Variants in MPDZ observed in about 807,000 individuals in gnomAD.
MPDZ encodes the protein multiple PDZ domain protein.
In MPDZ, 234 loss-of-function variants were observed where a neutral mutation model predicts 239.1. That is an observed-to-expected ratio of 0.98 (90% CI 0.88 to 1.09). The LOEUF is 1.09. Ranked by LOEUF, MPDZ falls within the 50% of genes least tolerant of loss-of-function variation. The pLI is 0.00. For synonymous variants in MPDZ, 1,048 were observed against 881.3 expected (o/e 1.19, Z -3.35); for missense variants, 3,175 against 2,510.0 (o/e 1.26, Z -5.66).
intron 1 of MPDZ, among the ~76,000 whole-genome samples, chr9:13,277,997 T>C (rs1010332786): frequency 1.3e-5 from 2 of 152,276 alleles, no homozygotes; most frequent in Non-Finnish European, 2.9e-5. Context: ...AAATTCAACA[T>C]GTAAAACTCC....
intron 12 of MPDZ, among the ~76,000 whole-genome samples, chr9:13,204,427 G>A (rs1319147551): frequency 2.6e-5 from 4 of 151,918 alleles, no homozygotes; most frequent in Admixed American, 6.6e-5. Context: ...TCTCTAATAC[G>A]AATAATAATA....
At chr9:13,213,614 G>T (rs190818012) in intron 10 of MPDZ, among the ~76,000 whole-genome samples, 76 of 152,094 alleles carry the variant, frequency 5.0e-4, no homozygotes, top group Middle Eastern at 3.4e-3. Flanking sequence ...AATTTAAAAT[G>T]CTTATATCTT....
At position 13,119,540 on chromosome 9, in the gene MPDZ, G is replaced by A. The variant is rs193128302; in HGVS notation, c.5341C>T (p.Arg1781Cys). The change falls in exon 39 of 47, where the codon CGT becomes TGT. Residue 1781 changes from arginine to cysteine, a missense_variant. Transcript: ENST00000319217. ...GCAACCGCTTCTTGGGTGGCATTAC[G>A]AACGTCTTCCCCATTCACCATTAAT... ...QILMVNGEDV[R>C]NATQEAVAAL... 5.5e-5 allele frequency: 88 copies of A among 1,613,022 alleles called. 1 individual carries two copies. The highest frequency in any genetic ancestry group is 1.1e-4 in the South Asian group (10 of 90,690).
chr9:13,121,200 A>G (rs1398386116), intron 38 of MPDZ, among the ~76,000 whole-genome samples: 1 of 151,994 alleles, frequency 6.6e-6, no homozygotes, highest in African/African-American at 2.4e-5. Flanking sequence ...CCTTCTCCCT[A>G]CAATATCTTC....
chr9:13,137,511 C>T (rs1240926669), intron 29 of MPDZ, among the ~76,000 whole-genome samples: 1 of 152,178 alleles, frequency 6.6e-6, no homozygotes, highest in Non-Finnish European at 1.5e-5. Context: ...TTTTGTTCGG[C>T]AGGCTGAGTT....
chr9:13,108,505 T>A (rs571271436), intron 46 of MPDZ, among the ~76,000 whole-genome samples: 5 of 152,150 alleles, frequency 3.3e-5, no homozygotes, highest in Non-Finnish European at 7.4e-5. Flanking sequence ...AATAAATGCT[T>A]ATTAATTTTC....
intron 36 of MPDZ, 144 bp from the exon 37 acceptor site, chr9:13,122,314 C>G: frequency 2.9e-6 from 2 of 700,528 alleles, no homozygotes; most frequent in Non-Finnish European, 4.6e-6. Flanking sequence ...CCATATAATT[C>G]AAGGGAAAGT....
Position 13,162,706 on chromosome 9 carries a change from G to GA in MPDZ, c.3343dup (p.Ser1115PhefsTer20), listed in dbSNP as rs763492773. ...TTTCACTTACCTGCCAGTGTATGAA[G>GA]AAAAAATATCCAGTGCCATTACTCT... On this transcript the variant is annotated frameshift_variant, in exon 23 of 47. Coordinates refer to ENST00000319217, the MANE Select transcript of MPDZ (RefSeq NM_001378778.1). LOFTEE classifies it high-confidence loss of function. 4.2e-5 allele frequency: 67 copies of GA among 1,608,046 alleles called. No homozygotes were observed. The highest frequency in any genetic ancestry group is 1.3e-4 in the East Asian group (6 of 44,542).
rs771114285 is a variant in MPDZ at position 13,162,785 on chromosome 9, C to G, written c.3265G>C (p.Val1089Leu). ...LIGPDIKITY[V>L]PAEHLEEFKI... ...AACTCTTCCAAATGTTCTGCAGGCA[C>G]ATAAGTAATTCTGGAACAAACCAGA... The change falls in exon 23 of 47, where the codon GTG (valine) becomes CTG (leucine). Residue 1089 changes from valine to leucine, a missense_variant. Val to Leu is a conservative substitution (Grantham distance 32). Coordinates refer to ENST00000319217, the MANE Select transcript of MPDZ (RefSeq NM_001378778.1). 3 of 1,608,828 alleles carry G rather than the reference C, an allele frequency of 1.9e-6. No homozygotes were observed. The African/African-American group carries it at 4.0e-5, about 22-fold the overall frequency.
At chr9:13,216,388 A>G (rs1221392774) in intron 10 of MPDZ, among the ~76,000 whole-genome samples, 1 of 151,666 alleles carries the variant, frequency 6.6e-6, no homozygotes, top group Non-Finnish European at 1.5e-5. Context: ...CTGATTAAAA[A>G]AAAAAAAACA....
intron 10 of MPDZ, among the ~76,000 whole-genome samples, chr9:13,208,247 C>A (rs1252007196): frequency 6.6e-6 from 1 of 152,074 alleles, no homozygotes; most frequent in Non-Finnish European, 1.5e-5. Flanking sequence ...AGTTTGAGGC[C>A]AGCCTGGGCA....
At chr9:13,170,473 GT>G (rs1951652414) in intron 21 of MPDZ, among the ~76,000 whole-genome samples, 1 of 152,086 alleles carries the variant, frequency 6.6e-6, no homozygotes, top group South Asian at 2.1e-4. Flanking sequence ...ATAAGATACC[GT>G]TTCGGGTGAG....
intron 21 of MPDZ, among the ~76,000 whole-genome samples, chr9:13,175,115 A>T (rs1952287954): frequency 6.6e-6 from 1 of 152,186 alleles, no homozygotes. Flanking sequence ...GCTGAGTCAC[A>T]TGACTGTGTA....
Position 13,205,911 on chromosome 9 carries a change from A to G in MPDZ, c.1474+5T>C, listed in dbSNP as rs1956932818. ...TAACTAAAAACCAGATTAACATAGGATTACCTTTGATTATGCTGGCATTAA... is the reference window on the plus strand; with the variant it reads ...TAACTAAAAACCAGATTAACATAGGGTTACCTTTGATTATGCTGGCATTAA... On this transcript the variant is annotated splice_donor_5th_base_variant and intron_variant, in intron 11 of 46. Coordinates refer to ENST00000319217, the MANE Select transcript of MPDZ (RefSeq NM_001378778.1). 1 of 1,580,906 alleles carries G rather than the reference A, an allele frequency of 6.3e-7. No homozygotes were observed. Among genetic ancestry groups the G allele is most frequent in the Admixed American group, 1.8e-5 (1 of 54,060 alleles).
chr9:13,142,360 C>G (rs1261009786), intron 27 of MPDZ, among the ~76,000 whole-genome samples: 2 of 152,116 alleles, frequency 1.3e-5, no homozygotes, highest in African/African-American at 4.8e-5. Context: ...ATATAAGCCT[C>G]TATTTACTTG....
chr9:13,255,505 T>G (rs937162719), intron 1 of MPDZ, among the ~76,000 whole-genome samples: 5 of 152,208 alleles, frequency 3.3e-5, no homozygotes, highest in African/African-American at 9.6e-5. Flanking sequence ...TTACAAAATG[T>G]ACTTTTTCAA....
intron 32 of MPDZ, among the ~76,000 whole-genome samples, chr9:13,128,320 A>G (rs1317282537): frequency 6.6e-6 from 1 of 152,238 alleles, no homozygotes; most frequent in African/African-American, 2.4e-5. Flanking sequence ...TCTCTTGGAT[A>G]ACTTGCTCTG....
At chr9:13,142,779 T>C (rs1947898387) in intron 27 of MPDZ, among the ~76,000 whole-genome samples, 1 of 152,142 alleles carries the variant, frequency 6.6e-6, no homozygotes, top group African/African-American at 2.4e-5. Context: ...TTTGTTACAA[T>C]AACATGGAAG....
intron 8 of MPDZ, among the ~76,000 whole-genome samples, chr9:13,218,369 G>C (rs1359796146): frequency 1.3e-5 from 2 of 151,828 alleles, no homozygotes; most frequent in Admixed American, 6.6e-5. Context: ...GGTTTTAAAA[G>C]GGGCACAAGC....
Sources: allele counts gnomAD v4.1 joint callset (sites outside exome capture counted in the v4.1 genomes callset), GRCh38; gene constraint gnomAD v4.1.1; transcripts MANE v1.5; gene names NCBI Gene and HGNC (gene_info 2026-07-23, HGNC 2026-07-21).